The following ZNF385D variants were observed in gnomAD, a reference collection of about 807,000 sequenced individuals.
ZNF385D encodes zinc finger protein 659.
Under a neutral mutation model 35.8 loss-of-function variants are expected in ZNF385D, and 15 were observed. The observed-to-expected ratio is 0.42, with a 90% CI of 0.28 to 0.64. The LOEUF is 0.64. Ranked by LOEUF, ZNF385D falls within the 30% of genes least tolerant of loss-of-function variation. The pLI is 0.23. For missense variants in ZNF385D, 474 were observed against 494.6 expected (o/e 0.96, Z 0.39); for synonymous variants, 212 against 186.8 (o/e 1.13, Z -1.10).
intron 3 of ZNF385D, among the ~76,000 whole-genome samples, chr3:22,135,889 CT>C (rs1704071038): frequency 6.6e-6 from 1 of 152,096 alleles, no homozygotes; most frequent in Admixed American, 6.6e-5. Flanking sequence ...AAAGGTTAAT[CT>C]TTTAATAAAT....
intron 3 of ZNF385D, among the ~76,000 whole-genome samples, chr3:21,861,411 T>G (rs2125830403): frequency 6.6e-6 from 1 of 152,270 alleles, no homozygotes; most frequent in Admixed American, 6.5e-5. Context: ...CTTAATGTGC[T>G]GTACTCTGAA....
At chr3:21,552,333 G>A (rs1410763912) in intron 3 of ZNF385D, among the ~76,000 whole-genome samples, 1 of 152,042 alleles carries the variant, frequency 6.6e-6, no homozygotes, top group Non-Finnish European at 1.5e-5. Flanking sequence ...TAAATATTTT[G>A]TAAAATTGGT....
intron 3 of ZNF385D, among the ~76,000 whole-genome samples, chr3:21,960,611 G>A (rs776973472): frequency 1.1e-4 from 16 of 152,102 alleles, no homozygotes; most frequent in Non-Finnish European, 1.8e-4. Context: ...AAGGAAATCA[G>A]TATATAAAAA....
chr3:22,076,430 A>AT (rs1387449147), intron 3 of ZNF385D, among the ~76,000 whole-genome samples: 1 of 151,692 alleles, frequency 6.6e-6, no homozygotes, highest in Non-Finnish European at 1.5e-5. Flanking sequence ...CCCACATCCT[A>AT]TTTTTTAATC....
At chr3:22,003,121 G>A (rs555255785) in intron 3 of ZNF385D, among the ~76,000 whole-genome samples, 1 of 152,130 alleles carries the variant, frequency 6.6e-6, no homozygotes, top group Non-Finnish European at 1.5e-5. Flanking sequence ...GATTGGAAAA[G>A]AAGTCAAATT....
intron 2 of ZNF385D, among the ~76,000 whole-genome samples, chr3:21,606,786 C>G (rs991178042): frequency 6.6e-6 from 1 of 152,226 alleles, no homozygotes; most frequent in East Asian, 1.9e-4. Flanking sequence ...CCATCTCTCT[C>G]TGTGGAGGTA....
At chr3:22,179,271 T>C (rs901124239) in intron 2 of ZNF385D, among the ~76,000 whole-genome samples, 3 of 152,156 alleles carry the variant, frequency 2.0e-5, no homozygotes, top group Non-Finnish European at 4.4e-5. Flanking sequence ...TGAGCAGTGG[T>C]TTGTAGTTCT....
At chr3:21,829,919 T>C (rs1465408763) in intron 3 of ZNF385D, among the ~76,000 whole-genome samples, 5 of 151,202 alleles carry the variant, frequency 3.3e-5, no homozygotes, top group Non-Finnish European at 5.9e-5. Flanking sequence ...AAGTCAGGAG[T>C]TCAAGAGCGG....
intron 3 of ZNF385D, among the ~76,000 whole-genome samples, chr3:21,757,781 C>G (rs569668336): frequency 5.9e-5 from 9 of 152,282 alleles, no homozygotes; most frequent in African/African-American, 2.2e-4. Flanking sequence ...TCAACTCATT[C>G]ATTCACTGGT....
rs1234172716 is a variant in ZNF385D at position 21,727,989 on chromosome 3, A to G, written c.22+22906T>C. 2.0e-5 allele frequency among the ~76,000 whole-genome samples: 3 copies of G among 152,154 alleles called. No homozygotes were observed. In the East Asian group the frequency reaches 5.8e-4, roughly 29 times the overall value. ...GGATGAGTTCATGTCCTTTGCAGGG[A>G]CATGGATGAAGCTGGAAACCATCAT... On this transcript the variant is annotated intron_variant, in intron 1 of 7. Coordinates refer to ENST00000281523, the MANE Select transcript of ZNF385D (RefSeq NM_024697.3).
At chr3:21,584,356 TTGTC>T (rs1416151955) in intron 2 of ZNF385D, among the ~76,000 whole-genome samples, 5 of 152,208 alleles carry the variant, frequency 3.3e-5, no homozygotes, top group Non-Finnish European at 7.3e-5. Context: ...GTTCCAGACT[TTGTC>T]TGTGAGTGAC....
chr3:21,561,392 A>G (rs2062940473), intron 3 of ZNF385D, among the ~76,000 whole-genome samples: 1 of 152,190 alleles, frequency 6.6e-6, no homozygotes, highest in Non-Finnish European at 1.5e-5. Context: ...TCCCTTGGCT[A>G]GGAGAGGGAG....
intron 3 of ZNF385D, among the ~76,000 whole-genome samples, chr3:22,057,810 G>A (rs894752404): frequency 6.6e-5 from 10 of 152,140 alleles, no homozygotes; most frequent in East Asian, 5.8e-4. Context: ...CACTGTGCCC[G>A]GCCTCACGTT....
chr3:21,678,899 C>T (rs2066812025), intron 1 of ZNF385D, among the ~76,000 whole-genome samples: 1 of 152,058 alleles, frequency 6.6e-6, no homozygotes, highest in Admixed American at 6.6e-5. Context: ...TTAATGTCCT[C>T]CTTATAAGCG....
At chr3:22,065,641 G>A (rs1313071060) in intron 3 of ZNF385D, among the ~76,000 whole-genome samples, 3 of 152,086 alleles carry the variant, frequency 2.0e-5, no homozygotes, top group African/African-American at 4.8e-5. Flanking sequence ...CTCGCAAGTG[G>A]TGAGTTCAGT....
At chr3:22,215,013 C>G (rs1237770283) in intron 2 of ZNF385D, among the ~76,000 whole-genome samples, 1 of 151,962 alleles carries the variant, frequency 6.6e-6, no homozygotes, top group Non-Finnish European at 1.5e-5. Flanking sequence ...TGATGTCTCC[C>G]CCAGACACCC....
intron 2 of ZNF385D, among the ~76,000 whole-genome samples, chr3:22,209,229 A>C (rs1051017698): frequency 6.6e-6 from 1 of 151,960 alleles, no homozygotes; most frequent in African/African-American, 2.4e-5. Flanking sequence ...TGAATAGCTT[A>C]AACTTATAAA....
chr3:22,198,101 T>C (rs1486258450), intron 2 of ZNF385D, among the ~76,000 whole-genome samples: 1 of 152,026 alleles, frequency 6.6e-6, no homozygotes, highest in Non-Finnish European at 1.5e-5. Context: ...ATAATCAGGA[T>C]TAAAAATGGA....
chr3:22,021,406 C>A (rs1284992228), intron 3 of ZNF385D, among the ~76,000 whole-genome samples: 2 of 151,848 alleles, frequency 1.3e-5, no homozygotes, highest in Non-Finnish European at 2.9e-5. Context: ...AGGATAGAAA[C>A]AAAGAATAGT....
Sources: allele counts gnomAD v4.1 joint callset (sites outside exome capture counted in the v4.1 genomes callset), GRCh38; gene constraint gnomAD v4.1.1; transcripts MANE v1.5; gene names NCBI Gene and HGNC (gene_info 2026-07-23, HGNC 2026-07-21).